Variants in HECTD4 observed in about 807,000 individuals in gnomAD.
The protein encoded by HECTD4 is HECT domain E3 ubiquitin protein ligase 4.
A neutral mutation model predicts 471.5 loss-of-function variants in HECTD4; 114 were observed. The observed-to-expected ratio is 0.24, with a 90% CI of 0.21 to 0.28. The LOEUF (loss-of-function observed/expected upper bound fraction) is 0.28. HECTD4 is among the 10% of genes least tolerant of loss of function. The pLI is 1.00. For missense variants in HECTD4, 3,866 were observed against 5,651.5 expected (o/e 0.68, Z 10.13); for synonymous variants, 2,012 against 2,256.0 (o/e 0.89, Z 3.07).
intron 1 of HECTD4, among the ~76,000 whole-genome samples, chr12:112,365,779 T>G (rs1188730060): frequency 5.6e-4 from 83 of 148,364 alleles, no homozygotes; most frequent in African/African-American, 1.8e-3. Flanking sequence ...TTTGTTTTTT[T>G]TTTTTTTTTT....
In HECTD4 at chr12:112,190,886, C is replaced by T. The variant is rs1253330618; in HGVS notation, c.9372G>A (p.Glu3124=). 2 of 1,576,694 alleles carry T rather than the reference C, an allele frequency of 1.3e-6. No homozygotes were observed. Among genetic ancestry groups the T allele is most frequent in the Non-Finnish European group, 1.7e-6 (2 of 1,161,270 alleles). Residue 3124 remains glutamate, a synonymous_variant, in exon 60 of 76, where the codon GAG becomes GAA. Transcript: ENST00000682272. ...LEFPLAMAFA[E]QLLSWKSEDS... Reference sequence around the variant, plus strand: ...CCTCTGATTTCCAGGACAGCAGCTGCTCTGCGAAGGCCATAGCCAGTGGGA... The same window carrying T: ...CCTCTGATTTCCAGGACAGCAGCTGTTCTGCGAAGGCCATAGCCAGTGGGA...
chr12:112,180,997 C>T (rs926659059), intron 62 of HECTD4, among the ~76,000 whole-genome samples: 5 of 151,736 alleles, frequency 3.3e-5, no homozygotes, highest in African/African-American at 1.2e-4. Flanking sequence ...CACGGTGGCT[C>T]ACGCTTGTAG....
At chr12:112,242,133 T>C (rs988382349) in intron 32 of HECTD4, among the ~76,000 whole-genome samples, 1 of 152,202 alleles carries the variant, frequency 6.6e-6, no homozygotes, top group African/African-American at 2.4e-5. Context: ...TTTTTAGAAA[T>C]TGGTTCAGTA....
At position 112,228,373 on chromosome 12, in the gene HECTD4, A is replaced by C. The variant is rs1368303729; in HGVS notation, c.6685-115T>G. On this transcript the variant is annotated intron_variant, in intron 42 of 75. Transcript: ENST00000682272. The surrounding 1 kb of genome is among the most constrained non-coding windows in gnomAD (Gnocchi z 4.9). ...CTTAAATTTTCAGTTAAAAAAATAA[A>C]ATCACCATACAGAAAACTACAAACC... The C allele has an allele frequency of 3.4e-6, 4 of 1,164,476 alleles. No homozygotes were observed. The East Asian group carries it at 1.2e-4, about 34-fold the overall frequency. 72.1% of individuals were successfully genotyped at this position (1,164,476 alleles called of 1,614,324 possible).
rs138738033 is a variant in HECTD4 at position 112,280,042 on chromosome 12, A to G, written c.1529-656T>C. ...TTTGGGATGAACAACCTATATTCCA[A>G]TCAAGATCTTGGTTTTTTTTTCCCA... On this transcript the variant is annotated intron_variant, in intron 8 of 75. Coordinates refer to ENST00000682272, the MANE Select transcript of HECTD4 (RefSeq NM_001388303.1). Among the ~76,000 whole-genome samples, 3 of 152,258 alleles carry G rather than the reference A, an allele frequency of 2.0e-5. No individual in the cohort carries two copies. The East Asian group carries it at 5.8e-4, about 29-fold the overall frequency.
At chr12:112,245,149 C>T (rs2033730709) in intron 29 of HECTD4, among the ~76,000 whole-genome samples, 1 of 152,070 alleles carries the variant, frequency 6.6e-6, no homozygotes, top group African/African-American at 2.4e-5. Flanking sequence ...ATTACAGGTG[C>T]ATGCCACCAT....
chr12:112,295,533 C>T (rs2034989088), intron 7 of HECTD4, among the ~76,000 whole-genome samples: 2 of 150,174 alleles, frequency 1.3e-5, no homozygotes, highest in Non-Finnish European at 1.5e-5. Context: ...AGAGACAGGG[C>T]CTCACTTTGT....
chr12:112,179,053 G>A lies in HECTD4; in HGVS notation c.11241C>T (p.Pro3747=), dbSNP rs778304305. ...TGCTGTACTTGCTCTTGTCAAACTT[G>A]GGCTTTGGCACGCCATACTTCCTCA... The part of the protein sequence containing the change: ...QILRKYGVPK[P]KFDKSKYSKA... Residue 3747 remains proline, a synonymous_variant, in exon 64 of 76, where the codon CCC becomes CCT. Coordinates refer to ENST00000682272, the MANE Select transcript of HECTD4 (RefSeq NM_001388303.1). The surrounding 1 kb of genome is among the most constrained non-coding windows in gnomAD (Gnocchi z 4.3). 1 of 1,613,832 alleles carries A rather than the reference G, an allele frequency of 6.2e-7. No individual in the cohort carries two copies. The highest frequency in any genetic ancestry group is 1.3e-5 in the African/African-American group (1 of 74,926).
chr12:112,350,190 T>C (rs902351773), intron 1 of HECTD4, among the ~76,000 whole-genome samples: 1 of 152,100 alleles, frequency 6.6e-6, no homozygotes, highest in Non-Finnish European at 1.5e-5. Context: ...GCTCAAGTCA[T>C]CTCGTGCCTT....
At position 112,167,807 on chromosome 12, in the gene HECTD4, T is replaced by C. The variant is rs2242496; in HGVS notation, c.12312+7A>G. 0.036 allele frequency: 57,730 copies of C among 1,612,488 alleles called. 11,229 individuals are homozygous for C. The East Asian group carries it at 0.64, about 18-fold the overall frequency. On this transcript the variant is annotated splice_region_variant and intron_variant, in intron 71 of 75. Coordinates refer to ENST00000682272, the MANE Select transcript of HECTD4 (RefSeq NM_001388303.1). ...GGGCGTGGAGCCTCCTCCCGGCCTC[T>C]GCCTACCTTGTTCTTATTGACAGCT...
In HECTD4 at chr12:112,164,097, G is replaced by T; in HGVS notation, c.12701+12C>A. On this transcript the variant is annotated intron_variant, in intron 73 of 75. Transcript: ENST00000682272. ...CAGCCCCTGCCAGCCCCTGACACGC[G>T]CACACACTCACGCCACAAGGATGTG... The T allele has an allele frequency of 6.5e-7, 1 of 1,534,066 alleles. No homozygotes were observed. Among genetic ancestry groups the T allele is most frequent in the Non-Finnish European group, 8.8e-7 (1 of 1,137,080 alleles).
intron 11 of HECTD4, among the ~76,000 whole-genome samples, 179 bp downstream of exon 11, chr12:112,273,476 T>G (rs2135625595): frequency 6.6e-6 from 1 of 152,346 alleles, no homozygotes; most frequent in Middle Eastern, 3.4e-3. Flanking sequence ...CTTATTTACT[T>G]AATCATAACT....
intron 37 of HECTD4, 127 bp from the exon 38 acceptor site, chr12:112,233,212 AGC>A: frequency 1.3e-5 from 5 of 375,936 alleles, no homozygotes; most frequent in South Asian, 3.2e-5. Flanking sequence ...CACTAACATT[AGC>A]TTTTTTTTTT....
In HECTD4 at chr12:112,228,933, C is replaced by T. The variant is rs1252323439; in HGVS notation, c.6520-122G>A. On this transcript the variant is annotated intron_variant, in intron 41 of 75. Coordinates refer to ENST00000682272, the MANE Select transcript of HECTD4 (RefSeq NM_001388303.1). The surrounding 1 kb of genome is among the most constrained non-coding windows in gnomAD (Gnocchi z 4.9). ...GTTGGCGTTACAGTAATAGTTTATA[C>T]TACTAGGGTAGCAGATACCAAGCCC... 2.1e-6 allele frequency: 2 copies of T among 940,326 alleles called. No homozygotes were observed. The highest frequency in any genetic ancestry group is 3.3e-5 in the African/African-American group (2 of 60,124). 58.2% of individuals were successfully genotyped at this position (940,326 alleles called of 1,614,324 possible). A position where few individuals can be genotyped will look rare whatever the true frequency, so the allele number is the denominator to read the frequency against.
chr12:112,365,778 T>G (rs572804949), intron 1 of HECTD4, among the ~76,000 whole-genome samples: 2,113 of 147,948 alleles, frequency 0.014, 25 homozygotes, highest in Non-Finnish European at 0.018. Flanking sequence ...TTTTGTTTTT[T>G]TTTTTTTTTT....
At position 112,184,948 on chromosome 12, in the gene HECTD4, C is replaced by T. The variant is rs756056957; in HGVS notation, c.10018G>A (p.Val3340Met). Residue 3340 changes from valine (V) to methionine (M), a missense_variant, in exon 61 of 76, where the codon GTG becomes ATG. By Grantham distance (21) the Val-to-Met change is conservative (BLOSUM62 1). Around this residue, in one of 16 missense-constraint regions of HECTD4, gnomAD observed 57 missense variants for 49.8 expected, o/e 1.14. Coordinates refer to ENST00000682272, the MANE Select transcript of HECTD4 (RefSeq NM_001388303.1). This position sits in a 1 kb window ranked among gnomAD's most constrained non-coding sequence, Gnocchi z 9.1. ...SSRTVDSDPT[V>M]LSIGGSKPED... ...GGCTTGCTGCCTCCGATGCTGAGCA[C>T]GGTGGGGTCCGAGTCCACGGTGCGG... The T allele has an allele frequency of 1.9e-6, 3 of 1,613,776 alleles. No homozygotes were observed. The highest frequency in any genetic ancestry group is 1.1e-5 in the South Asian group (1 of 91,070).
intron 44 of HECTD4, 54 bp from the exon 45 acceptor site, chr12:112,219,543 G>GGTGCT: frequency 8.0e-7 from 1 of 1,250,252 alleles, no homozygotes; most frequent in Non-Finnish European, 1.2e-6. Flanking sequence ...CTCCCAAGTG[G>GGTGCT]GTGCTGACTC....
In HECTD4 at chr12:112,330,903, G is replaced by A. The variant is rs377719979; in HGVS notation, c.178-11161C>T. On this transcript the variant is annotated intron_variant, in intron 1 of 75. Coordinates refer to ENST00000682272, the MANE Select transcript of HECTD4 (RefSeq NM_001388303.1). ...TGAAGAAAATACATGTGGTGAGGGG[G>A]AGGGGACATCAGAATATGATTTAGG... Among the ~76,000 whole-genome samples, 4 of 152,264 alleles carry A rather than the reference G, an allele frequency of 2.6e-5. No individual in the cohort carries two copies. The East Asian group carries it at 7.7e-4, about 29-fold the overall frequency.
chr12:112,283,290 C>T lies in HECTD4; in HGVS notation c.1348G>A (p.Val450Ile), dbSNP rs1257657806. ...TCCTGAAGTGGGTTGGCTACAAATA[C>T]ACCATTTTCAACCTAACATAGAAAA... ...DIFELVVENG[V>I]FVANPLQERT... is the part of the protein sequence containing the mutation. Residue 450 changes from valine (V) to isoleucine (I), a missense_variant, in exon 8 of 76, where the codon GTA becomes ATA. Physicochemically the swap from Val to Ile is conservative, Grantham distance 29 (BLOSUM62 3). Around this residue, in one of 16 missense-constraint regions of HECTD4, gnomAD observed 440 missense variants for 636.0 expected, o/e 0.69. Transcript: ENST00000682272. 2 of 1,610,990 alleles carry T rather than the reference C, an allele frequency of 1.2e-6. No homozygotes were observed. The highest frequency in any genetic ancestry group is 1.7e-5 in the Admixed American group (1 of 59,504).
Sources: allele counts gnomAD v4.1 joint callset (sites outside exome capture counted in the v4.1 genomes callset), GRCh38; gene constraint gnomAD v4.1.1; regional missense constraint gnomAD v4.1.1; non-coding constraint Gnocchi (gnomAD v3.1); transcripts MANE v1.5; gene names NCBI Gene and HGNC (gene_info 2026-07-23, HGNC 2026-07-21).